ENGASE: variants seen among roughly 807,000 people sequenced by gnomAD.
The protein encoded by ENGASE is endo-beta-N-acetylglucosaminidase, also known as cytosolic endo-beta-N-acetylglucosaminidase.
Under a neutral mutation model 78.5 loss-of-function variants are expected in ENGASE, and 69 were observed. The observed-to-expected ratio is 0.88, with a 90% CI of 0.72 to 1.07. The LOEUF (loss-of-function observed/expected upper bound fraction) is 1.07, where lower values mean the gene tolerates loss of function less well. Among genes scored for constraint, ENGASE ranks in the 50% least tolerant of loss-of-function variants. The pLI is 0.00. For synonymous variants in ENGASE, 408 were observed against 408.9 expected, an observed-to-expected ratio of 1.00 and a Z score of 0.03; for missense variants, 943 against 988.4, an observed-to-expected ratio of 0.95 and a Z score of 0.62.
rs114968464 is a variant in ENGASE at position 79,085,326 on chromosome 17, G to A, written c.1684G>A (p.Gly562Arg). ...GGGCCGCTGCGGCCGGCAGCTGAGT[G>A]GGGGCTGGGTCCAGCAGTAAGTCCC... ...WVGRCGRQLS[G>R]GWVQHCYEVS... The change falls in exon 12 of 14, where the codon GGG becomes AGG. Residue 562 changes from glycine (G) to arginine (R), a missense_variant. Physicochemically the swap from Gly to Arg is moderately radical, Grantham distance 125. Coordinates refer to ENST00000579016, the MANE Select transcript of ENGASE (RefSeq NM_001042573.3). 4 of 1,611,820 alleles carry A rather than the reference G, an allele frequency of 2.5e-6. No individual in the cohort carries two copies. Among genetic ancestry groups the A allele is most frequent in the South Asian group, 1.1e-5 (1 of 90,984 alleles).
In ENGASE at chr17:79,083,029, C is replaced by T; in HGVS notation, c.1048C>T (p.Leu350=). ...CCCTCTGTCTCTTCAGTCGTTGGAG[C>T]TGATCCGAAAGCATGGCTTCTCCGT... ...GRFDTDKSLE[L]IRKHGFSVAL... is the part of the protein sequence containing the mutation. The change falls in exon 8 of 14, where the codon CTG becomes TTG. Residue 350 remains leucine, a synonymous_variant. Coordinates refer to ENST00000579016, the MANE Select transcript of ENGASE (RefSeq NM_001042573.3). The surrounding 1 kb of genome is among the most constrained non-coding windows in gnomAD (Gnocchi z 4.9). 1 of 1,613,892 alleles carries T rather than the reference C, an allele frequency of 6.2e-7. No individual in the cohort carries two copies. Among genetic ancestry groups the T allele is most frequent in the Non-Finnish European group, 8.5e-7 (1 of 1,179,882 alleles).
In ENGASE at chr17:79,083,904, G is replaced by A; in HGVS notation, c.1395G>A (p.Leu465=). The A allele has an allele frequency of 2.5e-6, 4 of 1,611,818 alleles. No individual in the cohort carries two copies. The highest frequency in any genetic ancestry group is 3.4e-6 in the Non-Finnish European group (4 of 1,179,906). ...LEDAWHGGSS[L]LVRGVIPPEV... is the part of the protein sequence containing the mutation. ...ATGCCTGGCACGGAGGCAGCTCCCT[G>A]CTCGTCCGGGGTGTGATCCCACCGG... is the stretch of plus-strand genomic sequence containing the variant. Residue 465 remains leucine, a synonymous_variant, in exon 10 of 14, where the codon CTG becomes CTA. Transcript: ENST00000579016. This position sits in a 1 kb window ranked among gnomAD's most constrained non-coding sequence, Gnocchi z 4.9.
rs747960059 is a variant in ENGASE at position 79,085,611 on chromosome 17, G to A, written c.1701-9G>A. On this transcript the variant is annotated splice_polypyrimidine_tract_variant and intron_variant, in intron 12 of 13. Transcript: ENST00000579016. The stretch of plus-strand genomic sequence containing the variant: ...AGCCCGGCCAGTGATCAGCCCTTTC[G>A]CCCCGTAGCTGCTACGAGGTGAGCC... 2.5e-6 allele frequency: 4 copies of A among 1,613,008 alleles called. No homozygotes were observed. Among genetic ancestry groups the A allele is most frequent in the Admixed American group, 3.3e-5 (2 of 59,992 alleles).
Position 79,077,765 on chromosome 17 carries a change from T to G in ENGASE, c.317T>G (p.Val106Gly). The change falls in exon 3 of 14, where the codon GTG becomes GGG. Residue 106 changes from valine to glycine, a missense_variant. Coordinates refer to ENST00000579016, the MANE Select transcript of ENGASE (RefSeq NM_001042573.3). ...CCCCGCTTGGAGGATGGCTTTAATG[T>G]GGCCCTGGAGCCCCTGGCGTGTCGC... ...WKPRLEDGFN[V>G]ALEPLACRQP... The G allele has an allele frequency of 6.2e-7, 1 of 1,614,168 alleles. No homozygotes were observed. The highest frequency in any genetic ancestry group is 1.6e-4 in the Middle Eastern group (1 of 6,062).
chr17:79,080,118 GC>G (rs139114409), intron 4 of ENGASE, 88 bp from the exon 5 acceptor site: 55,589 of 1,426,130 alleles, frequency 0.039, 1,214 homozygotes, highest in African/African-American at 0.071. Flanking sequence ...TGATACTGAA[GC>G]TGCTGGTTCG....
In ENGASE at chr17:79,086,293, C is replaced by T. The variant is rs754369397; in HGVS notation, c.2176C>T (p.Arg726Trp). Residue 726 changes from arginine (R) to tryptophan (W), a missense_variant, in exon 14 of 14, where the codon CGG (arginine) becomes TGG (tryptophan). Physicochemically the swap from Arg to Trp is moderately radical, Grantham distance 101. Transcript: ENST00000579016. ...LVEPVPKEGF[R>W]VPQAEWGRAV... ...GGAGCCTGTCCCCAAGGAAGGGTTC[C>T]GGGTACCTCAGGCCGAGTGGGGCAG... is the stretch of plus-strand genomic sequence containing the variant. 5.0e-5 allele frequency: 81 copies of T among 1,613,480 alleles called. No individual in the cohort carries two copies. The highest frequency in any genetic ancestry group is 1.6e-4 in the Middle Eastern group (1 of 6,084).
intron 12 of ENGASE, 135 bp downstream of exon 12, chr17:79,085,477 C>A: frequency 7.4e-7 from 1 of 1,356,798 alleles, no homozygotes; most frequent in South Asian, 1.4e-5. Context: ...CCCAGGACAG[C>A]TGCTGGGAGC....
At position 79,085,606 on chromosome 17, in the gene ENGASE, C is replaced by T. The variant is rs755199274; in HGVS notation, c.1701-14C>T. 11 of 1,613,034 alleles carry T rather than the reference C, an allele frequency of 6.8e-6. No individual in the cohort carries two copies. In the Admixed American group the frequency reaches 1.5e-4, roughly 22 times the overall value. ...GGCTGAGCCCGGCCAGTGATCAGCCCTTTCGCCCCGTAGCTGCTACGAGGT... is the reference window on the plus strand; with the variant it reads ...GGCTGAGCCCGGCCAGTGATCAGCCTTTTCGCCCCGTAGCTGCTACGAGGT... On this transcript the variant is annotated splice_polypyrimidine_tract_variant and intron_variant, in intron 12 of 13. Coordinates refer to ENST00000579016, the MANE Select transcript of ENGASE (RefSeq NM_001042573.3).
chr17:79,082,915 C>A lies in ENGASE; in HGVS notation c.1039-105C>A, dbSNP rs758056259. On this transcript the variant is annotated intron_variant, in intron 7 of 13. Coordinates refer to ENST00000579016, the MANE Select transcript of ENGASE (RefSeq NM_001042573.3). The stretch of plus-strand genomic sequence containing the variant: ...GGGAGGGGTTGGACAGCTTCCCCCT[C>A]CCGTTTCTGAGCTGCCCTGAGAGCC... 6 of 1,572,794 alleles carry A rather than the reference C, an allele frequency of 3.8e-6. No individual in the cohort carries two copies. In the African/African-American group the frequency reaches 8.1e-5, roughly 21 times the overall value.
chr17:79,084,455 G>T, intron 10 of ENGASE, 83 bp from the exon 11 acceptor site: 1 of 1,374,490 alleles, frequency 7.3e-7, no homozygotes, highest in Admixed American at 2.6e-5. Context: ...CCTGGAGGGA[G>T]GGGCTGGTGG....
At chr17:79,079,809 C>A (rs974635418) in intron 4 of ENGASE, among the ~76,000 whole-genome samples, 172 bp downstream of exon 4, 1 of 152,200 alleles carries the variant, frequency 6.6e-6, no homozygotes, top group Non-Finnish European at 1.5e-5. Flanking sequence ...TGGAAAGGAC[C>A]AGATAGTATT....
chr17:79,080,567 C>A (rs2073101820), intron 5 of ENGASE, among the ~76,000 whole-genome samples: 1 of 152,230 alleles, frequency 6.6e-6, no homozygotes. Flanking sequence ...CTGTTTCCAG[C>A]AAGCGTGCTT....
Position 79,087,176 on chromosome 17 carries a change from G to C in ENGASE, c.*827G>C, listed in dbSNP as rs1385961563. On this transcript the variant is annotated 3_prime_UTR_variant, in exon 14 of 14. Coordinates refer to ENST00000579016, the MANE Select transcript of ENGASE (RefSeq NM_001042573.3). ...CTGGACAAGCCGCCCTTCAGGCTGG[G>C]GTAGCAGGTCAGTCCAGGCAGGAAG... 3 of 405,512 alleles carry C rather than the reference G, an allele frequency of 7.4e-6. No homozygotes were observed. Among genetic ancestry groups the C allele is most frequent in the African/African-American group, 2.0e-5 (1 of 48,918 alleles). The allele number at this position is 405,512 out of a possible 1,614,324, so 25.1% of individuals were successfully genotyped here.
At chr17:79,085,393 G>A in intron 12 of ENGASE, 51 bp downstream of exon 12, 1 of 1,488,554 alleles carries the variant, frequency 6.7e-7, no homozygotes, top group Non-Finnish European at 9.1e-7. Context: ...AGTCTCTGTT[G>A]GGAAACCCCA....
rs2073078371 is a variant in ENGASE, at chr17:79,079,774, A to G, written c.565+137A>G. ...TCGCTGGGGGCCGCCTTGGTCGGCT[A>G]GGACAGGCAGCTGCAGGCTTTTTCT... is the stretch of plus-strand genomic sequence containing the variant. On this transcript the variant is annotated intron_variant, in intron 4 of 13. Transcript: ENST00000579016. The G allele has an allele frequency of 5.5e-6, 6 of 1,090,244 alleles. No individual in the cohort carries two copies. In the South Asian group the frequency reaches 6.6e-5, roughly 12 times the overall value. 67.5% of individuals were successfully genotyped at this position (1,090,244 alleles called of 1,614,324 possible).
chr17:79,081,912 C>G lies in ENGASE; in HGVS notation c.887C>G (p.Ser296Cys). 1 of 1,612,290 alleles carries G rather than the reference C, an allele frequency of 6.2e-7. No individual in the cohort carries two copies. Among genetic ancestry groups the G allele is most frequent in the East Asian group, 2.2e-5 (1 of 44,814 alleles). The change falls in exon 7 of 14, where the codon TCC becomes TGC. Residue 296 changes from serine (S) to cysteine (C), a missense_variant. Physicochemically the swap from Ser to Cys is moderately radical, Grantham distance 112. Transcript: ENST00000579016. ...LNQHNRVFFD[S>C]CDGFFTNYNW... ...TTGCTTCTCAGGGTCTTCTTTGATT[C>G]CTGCGACGGCTTCTTCACTAACTAT...
chr17:79,082,720 G>A (rs1485137792), intron 7 of ENGASE: 5 of 1,387,826 alleles, frequency 3.6e-6, no homozygotes, highest in Non-Finnish European at 4.7e-6. Context: ...TCTGATAATC[G>A]AATGAGAGGT....
At position 79,085,728 on chromosome 17, in the gene ENGASE, G is replaced by A. The variant is rs2073278188; in HGVS notation, c.1809G>A (p.Glu603=). The stretch of plus-strand genomic sequence containing the variant: ...AGAGCTTCACCTGTCGGCTTGGAGA[G>A]ATCCAGGTGATGCTTCCCAGAGGGG... ...EEESFTCRLG[E]IQVVDAASLL... is the part of the protein sequence containing the mutation. Residue 603 remains glutamate (E), a synonymous_variant, in exon 13 of 14, where the codon GAG becomes GAA. Transcript: ENST00000579016. 6.2e-7 allele frequency: 1 copy of A among 1,613,486 alleles called. No individual in the cohort carries two copies. The highest frequency in any genetic ancestry group is 8.5e-7 in the Non-Finnish European group (1 of 1,179,882).
chr17:79,077,727 C>G lies in ENGASE; in HGVS notation c.279C>G (p.Leu93=). The change falls in exon 3 of 14, where the codon CTC becomes CTG. Residue 93 remains leucine (L), a synonymous_variant. Transcript: ENST00000579016. The part of the protein sequence containing the change: ...ISFYLSSLEE[L]LAWKPRLEDG... ...TTTACTTGTCTTCGCTGGAGGAGCT[C>G]TTGGCGTGGAAGCCCCGCTTGGAGG... 1 of 1,614,220 alleles carries G rather than the reference C, an allele frequency of 6.2e-7. No homozygotes were observed. Among genetic ancestry groups the G allele is most frequent in the South Asian group, 1.1e-5 (1 of 91,084 alleles).
Sources: allele counts gnomAD v4.1 joint callset (sites outside exome capture counted in the v4.1 genomes callset), GRCh38; gene constraint gnomAD v4.1.1; non-coding constraint Gnocchi (gnomAD v3.1); transcripts MANE v1.5; gene names NCBI Gene and HGNC (gene_info 2026-07-23, HGNC 2026-07-21).